Variants in ZEB1 observed in about 807,000 individuals in gnomAD.
ZEB1 encodes the protein zinc finger E-box-binding homeobox 1.
A neutral mutation model predicts 84.9 loss-of-function variants in ZEB1; 21 were observed. The observed-to-expected ratio is 0.25, with a 90% CI of 0.18 to 0.36. The LOEUF (loss-of-function observed/expected upper bound fraction) is 0.36. ZEB1 is among the 10% of genes least tolerant of loss of function. The probability of loss-of-function intolerance (pLI) is 1.00; values close to 1 mark genes in which losing one functional copy is unlikely to be tolerated. For synonymous variants in ZEB1, 420 were observed against 471.1 expected, an observed-to-expected ratio of 0.89 and a Z score of 1.41; for missense variants, 1,104 against 1,330.2, an observed-to-expected ratio of 0.83 and a Z score of 2.65.
At chr10:31,459,800 C>T (rs2061615652) in intron 1 of ZEB1, among the ~76,000 whole-genome samples, 1 of 143,424 alleles carries the variant, frequency 7.0e-6, no homozygotes, top group Non-Finnish European at 1.5e-5. Context: ...CCCATATTTT[C>T]AATTGTATTT....
chr10:31,465,300 GA>G (rs1254468921), intron 2 of ZEB1, among the ~76,000 whole-genome samples: 2 of 151,928 alleles, frequency 1.3e-5, no homozygotes, highest in East Asian at 1.9e-4. Context: ...TGTGGGAGGG[GA>G]GAGGTAAAAG....
chr10:31,515,264 C>G (rs1232627358), intron 6 of ZEB1, among the ~76,000 whole-genome samples: 2 of 151,958 alleles, frequency 1.3e-5, no homozygotes, highest in Non-Finnish European at 2.9e-5. Flanking sequence ...TTATTACTTA[C>G]AAGGTTAATA....
chr10:31,383,218 G>T (rs11008476), intron 1 of ZEB1, among the ~76,000 whole-genome samples: 9,417 of 152,164 alleles, frequency 0.062, 727 homozygotes, highest in African/African-American at 0.17. Flanking sequence ...TGTGGTGATA[G>T]AAATATTCTG....
chr10:31,498,197 A>G (rs1026004984), intron 3 of ZEB1, among the ~76,000 whole-genome samples: 1 of 152,042 alleles, frequency 6.6e-6, no homozygotes, highest in African/African-American at 2.4e-5. Flanking sequence ...CAAGATGTGC[A>G]TTTCCCAACA....
At chr10:31,449,604 C>T (rs558620954) in intron 1 of ZEB1, among the ~76,000 whole-genome samples, 1 of 152,220 alleles carries the variant, frequency 6.6e-6, no homozygotes, top group Admixed American at 6.5e-5. Context: ...ATTTGCAAGA[C>T]TCCTATTTGT....
At chr10:31,358,302 T>TA (rs1194388498) in intron 1 of ZEB1, 1 of 152,194 alleles carries the variant, frequency 6.6e-6, no homozygotes, top group Admixed American at 6.5e-5. Flanking sequence ...GTTTTTTACT[T>TA]ATGTGAAACA....
At chr10:31,429,029 G>A (rs986625494) in intron 1 of ZEB1, among the ~76,000 whole-genome samples, 1 of 152,142 alleles carries the variant, frequency 6.6e-6, no homozygotes, top group South Asian at 2.1e-4. Flanking sequence ...TTGCCATCCT[G>A]TGTCTTTTAA....
chr10:31,485,474 A>G (rs2065607623), intron 2 of ZEB1, among the ~76,000 whole-genome samples: 1 of 151,900 alleles, frequency 6.6e-6, no homozygotes, highest in African/African-American at 2.4e-5. Context: ...TTATTCCTAA[A>G]GTAAAACTAC....
chr10:31,463,183 A>G (rs997612076), intron 2 of ZEB1, among the ~76,000 whole-genome samples: 5 of 152,118 alleles, frequency 3.3e-5, no homozygotes, highest in Non-Finnish European at 7.4e-5. Flanking sequence ...CTGTCTGGGG[A>G]AAAAAGGGGG....
intron 1 of ZEB1, among the ~76,000 whole-genome samples, chr10:31,458,313 G>A (rs185222995): frequency 4.3e-5 from 5 of 115,540 alleles, no homozygotes; most frequent in East Asian, 4.6e-4. Flanking sequence ...TCTCCATTCC[G>A]TGTGTGTGTG....
At chr10:31,337,820 G>A (rs769576018) in intron 1 of ZEB1, among the ~76,000 whole-genome samples, 1 of 151,582 alleles carries the variant, frequency 6.6e-6, no homozygotes, top group Non-Finnish European at 1.5e-5. Context: ...CAGTAGCTGG[G>A]ATTACAGGCA....
chr10:31,518,293 A>AACCCACAT (rs2071567492), intron 6 of ZEB1, among the ~76,000 whole-genome samples: 1 of 152,126 alleles, frequency 6.6e-6, no homozygotes, highest in African/African-American at 2.4e-5. Context: ...AGGGTTCTAA[A>AACCCACAT]ACCCACATCC....
rs545715874 is a variant in ZEB1, at chr10:31,399,948, C to G, written c.59-61089C>G. On this transcript the variant is annotated intron_variant, in intron 1 of 8. Transcript: ENST00000424869. The stretch of plus-strand genomic sequence containing the variant: ...TGCACTGGTTGTTCTCTGTAATACT[C>G]TTTCCCTGTATATCTACAGGGATCA... Among the ~76,000 whole-genome samples, 21 of 152,270 alleles carry G rather than the reference C, an allele frequency of 1.4e-4. 1 individual carries two copies. The South Asian group carries it at 4.4e-3, about 32-fold the overall frequency.
chr10:31,347,099 T>G (rs2040447533), intron 1 of ZEB1, among the ~76,000 whole-genome samples: 2 of 152,082 alleles, frequency 1.3e-5, no homozygotes, highest in African/African-American at 2.4e-5. Context: ...GGGGAGGTGT[T>G]AGGAAACTCA....
chr10:31,367,968 T>C (rs77629323), intron 1 of ZEB1, among the ~76,000 whole-genome samples: 4,069 of 149,348 alleles, frequency 0.027, 94 homozygotes, highest in African/African-American at 0.049. Context: ...TATATATATA[T>C]ACACACACAC....
intron 1 of ZEB1, among the ~76,000 whole-genome samples, chr10:31,330,825 A>G (rs1564481876): frequency 1.8e-5 from 1 of 54,708 alleles, no homozygotes; most frequent in African/African-American, 1.3e-4. Flanking sequence ...TTATTTTAAG[A>G]TAGTTTTTTA....
At chr10:31,403,839 A>G (rs2052495519) in intron 1 of ZEB1, among the ~76,000 whole-genome samples, 4 of 152,100 alleles carry the variant, frequency 2.6e-5, no homozygotes, top group Admixed American at 2.6e-4. Flanking sequence ...TGCCTTAAAT[A>G]AAAACACATT....
intron 2 of ZEB1, among the ~76,000 whole-genome samples, chr10:31,466,369 A>G (rs1318247387): frequency 2.0e-5 from 3 of 152,242 alleles, no homozygotes; most frequent in African/African-American, 7.2e-5. Flanking sequence ...TTAGGCCACA[A>G]GATAAGTTTT....
chr10:31,500,091 C>T (rs1793233127), intron 3 of ZEB1, among the ~76,000 whole-genome samples: 2 of 151,724 alleles, frequency 1.3e-5, no homozygotes, highest in Admixed American at 1.3e-4. Flanking sequence ...ATGGAGATTG[C>T]TTAATTGAAA....
Sources: gnomAD v4.1 joint callset for allele counts (sites outside exome capture counted in the v4.1 genomes callset) on GRCh38, gnomAD v4.1.1 for gene constraint, MANE v1.5 for transcripts, NCBI Gene and HGNC (gene_info 2026-07-23, HGNC 2026-07-21) for gene names.